The following RBM27 variants were observed in gnomAD, a reference collection of about 807,000 sequenced individuals.
RBM27 encodes RNA-binding protein 27.
In RBM27, 22 loss-of-function variants were observed where a neutral mutation model predicts 135.3. The observed-to-expected ratio is 0.16, with a 90% CI of 0.12 to 0.23. The LOEUF (loss-of-function observed/expected upper bound fraction) is 0.23, where lower values mean the gene tolerates loss of function less well. Ranked by LOEUF, RBM27 falls within the 10% of genes least tolerant of loss-of-function variation. The pLI, the probability that RBM27 is intolerant of heterozygous loss-of-function variation, is 1.00. For missense variants in RBM27, 1,009 were observed against 1,281.0 expected, an observed-to-expected ratio of 0.79 and a Z score of 3.24; for synonymous variants, 481 against 442.4, an observed-to-expected ratio of 1.09 and a Z score of -1.10.
In RBM27 at chr5:146,288,847, T is replaced by C. The variant is rs1759687164; in HGVS notation, c.*2817T>C. The C allele has an allele frequency of 6.6e-6, 1 of 152,062 alleles. No individual in the cohort carries two copies. Among genetic ancestry groups the C allele is most frequent in the Admixed American group, 6.5e-5 (1 of 15,268 alleles). 9.4% of individuals were successfully genotyped at this position (152,062 alleles called of 1,614,324 possible). A position where few individuals can be genotyped will look rare whatever the true frequency, so the allele number is the denominator to read the frequency against. ...TAAGATGATAAATTGGAAAACAGTCTTGTTAAGGTGAAAGGGGTCCTTGGT... is the reference window on the plus strand; with the variant it reads ...TAAGATGATAAATTGGAAAACAGTCCTGTTAAGGTGAAAGGGGTCCTTGGT... On this transcript the variant is annotated 3_prime_UTR_variant, in exon 21 of 21. Transcript: ENST00000265271.
chr5:146,244,048 C>T (rs1043624062), intron 8 of RBM27, among the ~76,000 whole-genome samples: 2 of 151,724 alleles, frequency 1.3e-5, no homozygotes, highest in Non-Finnish European at 2.9e-5. Flanking sequence ...TAAAAAAAAA[C>T]CCCAGGTAAC....
At position 146,259,979 on chromosome 5, in the gene RBM27, C is replaced by CAAAA. The variant is rs34781548; in HGVS notation, c.1740-741_1740-738dup. On this transcript the variant is annotated intron_variant, in intron 11 of 20. Transcript: ENST00000265271. ...TGGGCGACAGAGCGAGACTCCGTCT[C>CAAAA]AAAAAAAAAAAAAAAAAAAAAAAAA... Among the ~76,000 whole-genome samples the CAAAA allele has an allele frequency of 8.5e-4, 30 of 35,282 alleles. 1 individual carries two copies. Among genetic ancestry groups the CAAAA allele is most frequent in the African/African-American group, 3.4e-3 (19 of 5,668 alleles). 23.1% of individuals were successfully genotyped at this position (35,282 alleles called of 152,430 possible). A position where few individuals can be genotyped will look rare whatever the true frequency, so the allele number is the denominator to read the frequency against.
At chr5:146,223,075 ATTCT>A (rs541508182) in intron 2 of RBM27, among the ~76,000 whole-genome samples, 30 of 152,286 alleles carry the variant, frequency 2.0e-4, no homozygotes, top group African/African-American at 7.2e-4. Context: ...TATTATCAGT[ATTCT>A]TTCTTTTTAT....
At chr5:146,231,510 A>AT (rs200729019) in intron 6 of RBM27, among the ~76,000 whole-genome samples, 3,144 of 151,736 alleles carry the variant, frequency 0.021, 116 homozygotes, top group African/African-American at 0.069. Flanking sequence ...CCTTTTTTAG[A>AT]TTTTTTTTGT....
chr5:146,261,647 G>A lies in RBM27; in HGVS notation c.2031G>A (p.Glu677=). ...IRVLWHRENN[E]QPTLQSSAQL... ...TCTTGTGGCATAGGGAAAATAATGA[G>A]CAACCGACACTACAGTCCTCAGCAC... Residue 677 remains glutamate (E), a synonymous_variant, in exon 13 of 21, where the codon GAG becomes GAA. Transcript: ENST00000265271. 1.2e-6 allele frequency: 2 copies of A among 1,614,112 alleles called. No homozygotes were observed. Among genetic ancestry groups the A allele is most frequent in the Non-Finnish European group, 1.7e-6 (2 of 1,180,008 alleles).
Position 146,258,506 on chromosome 5 carries a change from T to G in RBM27, c.1652T>G (p.Ile551Arg). The change falls in exon 11 of 21, where the codon ATA (isoleucine) becomes AGA (arginine). Residue 551 changes from isoleucine to arginine, a missense_variant. This residue lies in a region of RBM27 where 329 missense variants were observed against 368.1 expected (regional missense o/e 0.89). Transcript: ENST00000265271. ...GTTCCTGTTTCGATTAATAGCAACA[T>G]AACCAGAGTAGTTCTTGAACCAGAT... ...PPVPVSINSNITRVVLEPDSR... is the reference protein window; with the variant it reads ...PPVPVSINSNRTRVVLEPDSR... The G allele has an allele frequency of 6.2e-7, 1 of 1,604,628 alleles. No homozygotes were observed. Among genetic ancestry groups the G allele is most frequent in the Non-Finnish European group, 8.5e-7 (1 of 1,175,296 alleles).
intron 19 of RBM27, among the ~76,000 whole-genome samples, chr5:146,278,967 C>T (rs909950859): frequency 2.6e-5 from 4 of 151,734 alleles, no homozygotes; most frequent in African/African-American, 4.8e-5. Flanking sequence ...GTGATCTGCC[C>T]GCCTCTGCCT....
At chr5:146,220,501 T>TAC (rs1454150927) in intron 2 of RBM27, among the ~76,000 whole-genome samples, 2,739 of 147,638 alleles carry the variant, frequency 0.019, 98 homozygotes, top group African/African-American at 0.066. Flanking sequence ...TATATATATA[T>TAC]ATATATATGT....
At chr5:146,235,433 G>C (rs571844965) in intron 7 of RBM27, among the ~76,000 whole-genome samples, 4 of 152,172 alleles carry the variant, frequency 2.6e-5, no homozygotes, top group African/African-American at 9.6e-5. Flanking sequence ...GGGGGTGCAT[G>C]TAGTCCCTAC....
intron 9 of RBM27, among the ~76,000 whole-genome samples, chr5:146,254,659 T>G (rs528717130): frequency 1.5e-4 from 23 of 152,284 alleles, no homozygotes; most frequent in African/African-American, 5.5e-4. Context: ...ATATTATGTA[T>G]TATAATTAAC....
At chr5:146,253,234 G>C (rs550652498) in intron 9 of RBM27, among the ~76,000 whole-genome samples, 9 of 152,100 alleles carry the variant, frequency 5.9e-5, no homozygotes, top group Non-Finnish European at 2.9e-5. Flanking sequence ...CTGACCTCGT[G>C]ATCTGCCCAC....
At chr5:146,259,674 A>G (rs529676067) in intron 11 of RBM27, among the ~76,000 whole-genome samples, 2 of 151,398 alleles carry the variant, frequency 1.3e-5, no homozygotes, top group East Asian at 3.9e-4. Context: ...TTCTATTCTC[A>G]TGTAATAAGA....
At chr5:146,221,747 A>G (rs1235811675) in intron 2 of RBM27, among the ~76,000 whole-genome samples, 1 of 152,128 alleles carries the variant, frequency 6.6e-6, no homozygotes, top group Non-Finnish European at 1.5e-5. Flanking sequence ...TTGATTTTTA[A>G]ATTTAATTTT....
Position 146,261,763 on chromosome 5 carries a change from T to C in RBM27, c.2147T>C (p.Val716Ala), listed in dbSNP as rs769838609. The C allele has an allele frequency of 3.0e-5, 49 of 1,614,092 alleles. No individual in the cohort carries two copies. Among genetic ancestry groups the C allele is most frequent in the Non-Finnish European group, 4.0e-5 (47 of 1,180,042 alleles). The change falls in exon 13 of 21, where the codon GTG becomes GCG. Residue 716 changes from valine (V) to alanine (A), a missense_variant. By Grantham distance (64) the Val-to-Ala change is moderately conservative. This residue lies in a region of RBM27 where 355 missense variants were observed against 427.3 expected (regional missense o/e 0.83). Coordinates refer to ENST00000265271, the MANE Select transcript of RBM27 (RefSeq NM_018989.2). ...CATCTACATCAGCAGCAGGTGCTAG[T>C]GGCCCAGTCTGCTCCTTCAACAGTG... is the stretch of plus-strand genomic sequence containing the variant. ...PQHLHQQQVL[V>A]AQSAPSTVHG...
At chr5:146,231,477 T>C (rs1020442237) in intron 6 of RBM27, among the ~76,000 whole-genome samples, 4 of 152,128 alleles carry the variant, frequency 2.6e-5, no homozygotes, top group African/African-American at 9.7e-5. Flanking sequence ...TTGGCTCTCA[T>C]TAAGAGAATA....
chr5:146,282,951 G>A (rs988352103), intron 19 of RBM27, among the ~76,000 whole-genome samples: 1 of 152,128 alleles, frequency 6.6e-6, no homozygotes. Context: ...TTCAGACTCT[G>A]TATACATTTC....
intron 19 of RBM27, among the ~76,000 whole-genome samples, chr5:146,281,459 C>T (rs1299807244): frequency 1.3e-5 from 2 of 152,098 alleles, no homozygotes; most frequent in South Asian, 2.1e-4. Context: ...CAGGAGTGTC[C>T]AATCTTTTGG....
chr5:146,218,075 C>T (rs189798376), intron 1 of RBM27, among the ~76,000 whole-genome samples: 2 of 152,218 alleles, frequency 1.3e-5, no homozygotes, highest in Admixed American at 1.3e-4. Flanking sequence ...TTTCATTTTA[C>T]CTTCATAACC....
intron 19 of RBM27, among the ~76,000 whole-genome samples, chr5:146,282,595 G>T (rs1759410311): frequency 6.6e-6 from 1 of 152,168 alleles, no homozygotes; most frequent in South Asian, 2.1e-4. Flanking sequence ...CATTGCATTA[G>T]ATATTATAAG....
Sources: gnomAD v4.1 joint callset for allele counts (sites outside exome capture counted in the v4.1 genomes callset) on GRCh38, gnomAD v4.1.1 for gene constraint, gnomAD v4.1.1 regional missense constraint, MANE v1.5 for transcripts, NCBI Gene and HGNC (gene_info 2026-07-23, HGNC 2026-07-21) for gene names.